The following BCL2L12 variants were observed in gnomAD, a reference collection of about 807,000 sequenced individuals.
BCL2L12 encodes the protein BCL2 like 12.
In BCL2L12, 27 loss-of-function variants were observed where a neutral mutation model predicts 25.7. The ratio of observed to expected loss-of-function variants is 1.05; its 90% CI spans 0.78 to 1.45. The LOEUF (loss-of-function observed/expected upper bound fraction) is 1.45. Among genes scored for constraint, BCL2L12 ranks in the 40% most tolerant of loss-of-function variants. BCL2L12 has a pLI of 0.00. For synonymous variants in BCL2L12, 132 were observed against 145.6 expected (o/e 0.91, Z 0.67); for missense variants, 302 against 329.8 (o/e 0.92, Z 0.65).
chr19:49,670,522 C>G, intron 6 of BCL2L12, 34 bp downstream of exon 6: 2 of 1,530,408 alleles, frequency 1.3e-6, no homozygotes, highest in Non-Finnish European at 1.8e-6. Flanking sequence ...CCGGGCCTCA[C>G]TTTACCTAAC....
chr19:49,668,136 C>G (rs1285852185), intron 3 of BCL2L12, among the ~76,000 whole-genome samples: 1 of 145,874 alleles, frequency 6.9e-6, no homozygotes, highest in African/African-American at 2.6e-5. Flanking sequence ...GCCCTTGTTG[C>G]CCAGGCTGGA....
At position 49,670,333 on chromosome 19, in the gene BCL2L12, C is replaced by CCGGGGAAGGA; in HGVS notation, c.548_549insGGGGAAGGAC (p.Pro185LysfsTer80). 1.2e-6 allele frequency: 2 copies of CCGGGGAAGGA among 1,602,300 alleles called. No homozygotes were observed. Among genetic ancestry groups the CCGGGGAAGGA allele is most frequent in the Non-Finnish European group, 8.5e-7 (1 of 1,175,742 alleles). ...CAGCTCTCGCCCAAGCCGAGCATGCCCCGGGCCCCCGCCTCCTTCCCCGGA... is the reference window on the plus strand; with the variant it reads ...CAGCTCTCGCCCAAGCCGAGCATGCCCGGGGAAGGACCGGGCCCCCGCCTCCTTCCCCGGA... On this transcript the variant is annotated frameshift_variant, in exon 6 of 7. Coordinates refer to ENST00000246784, the MANE Select transcript of BCL2L12 (RefSeq NM_138639.2). LOFTEE classifies it high-confidence loss of function.
At position 49,667,136 on chromosome 19, in the gene BCL2L12, C is replaced by T; in HGVS notation, c.225C>T (p.Ile75=). 6.2e-7 allele frequency: 1 copy of T among 1,614,014 alleles called. No homozygotes were observed. Among genetic ancestry groups the T allele is most frequent in the Non-Finnish European group, 8.5e-7 (1 of 1,179,980 alleles). ...CCCCTCGGCCTTGCTCTCTGCCCATCCGCCCCTGCTATGGTTTAGAGCCTG... is the reference window on the plus strand; with the variant it reads ...CCCCTCGGCCTTGCTCTCTGCCCATTCGCCCCTGCTATGGTTTAGAGCCTG... The part of the protein sequence containing the change: ...SESPRPCSLP[I]RPCYGLEPGP... Residue 75 remains isoleucine, a synonymous_variant, in exon 3 of 7, where the codon ATC becomes ATT. Coordinates refer to ENST00000246784, the MANE Select transcript of BCL2L12 (RefSeq NM_138639.2).
chr19:49,666,517 G>T, intron 1 of BCL2L12, among the ~76,000 whole-genome samples, 168 bp from the exon 2 acceptor site: 1 of 152,130 alleles, frequency 6.6e-6, no homozygotes, highest in Non-Finnish European at 1.5e-5. Flanking sequence ...TTTCCTGATC[G>T]CTTTTTCGTC....
upstream of BCL2L12, chr19:49,665,662 T>G (rs555722266): frequency 4.6e-5 from 44 of 959,760 alleles, no homozygotes; most frequent in Middle Eastern, 1.0e-3. Context: ...TGCGGGCAGC[T>G]GGAACCCACC....
intron 6 of BCL2L12, among the ~76,000 whole-genome samples, chr19:49,671,384 T>G (rs1326976014): frequency 6.6e-6 from 1 of 152,048 alleles, no homozygotes; most frequent in Non-Finnish European, 1.5e-5. Flanking sequence ...AGGCAGAGGT[T>G]GTAGTGAGCC....
Position 49,673,802 on chromosome 19 carries a change from T to C in BCL2L12, c.*54T>C. 6.2e-7 allele frequency: 1 copy of C among 1,601,598 alleles called. No individual in the cohort carries two copies. The highest frequency in any genetic ancestry group is 8.6e-7 in the Non-Finnish European group (1 of 1,169,134). ...ACACCTCATGTCCCTGCCCTCTTCG[T>C]GTGCTTTTCCAAGTCTTCCTATTCC... On this transcript the variant is annotated 3_prime_UTR_variant, in exon 7 of 7. Coordinates refer to ENST00000246784, the MANE Select transcript of BCL2L12 (RefSeq NM_138639.2).
At chr19:49,668,378 C>T in intron 3 of BCL2L12, among the ~76,000 whole-genome samples, 1 of 152,012 alleles carries the variant, frequency 6.6e-6, no homozygotes, top group East Asian at 1.9e-4. Context: ...GGATTACAGG[C>T]GTGAGCCACT....
upstream of BCL2L12, chr19:49,665,929 C>T (rs1185432030): frequency 6.2e-6 from 10 of 1,613,672 alleles, no homozygotes; most frequent in East Asian, 1.3e-4. Context: ...ACCCAGCGTT[C>T]CGCCCTTTCT....
At chr19:49,669,169 G>T in intron 5 of BCL2L12, 54 bp downstream of exon 5, 1 of 1,597,774 alleles carries the variant, frequency 6.3e-7, no homozygotes. Context: ...GGAATGGTGG[G>T]GCACTGGGAT....
chr19:49,671,024 C>T (rs943600830), intron 6 of BCL2L12, among the ~76,000 whole-genome samples: 16 of 151,550 alleles, frequency 1.1e-4, no homozygotes, highest in African/African-American at 3.2e-4. Context: ...TAGCCGGGCG[C>T]GGTGGCAGGT....
intron 6 of BCL2L12, 81 bp downstream of exon 6, chr19:49,670,569 T>C (rs1599921239): frequency 6.8e-7 from 1 of 1,478,050 alleles, no homozygotes; most frequent in South Asian, 1.3e-5. Flanking sequence ...ACTTCTTAGG[T>C]TCCTCTCAGA....
At chr19:49,670,602 A>T (rs1387375383) in intron 6 of BCL2L12, 114 bp downstream of exon 6, 2 of 1,385,350 alleles carry the variant, frequency 1.4e-6, no homozygotes, top group Admixed American at 5.4e-5. Context: ...TCCCAGCTCC[A>T]CTGCGTTCGT....
At chr19:49,670,568 G>T (rs2081941230) in intron 6 of BCL2L12, 80 bp downstream of exon 6, 1 of 1,489,676 alleles carries the variant, frequency 6.7e-7, no homozygotes, top group Non-Finnish European at 8.9e-7. Context: ...GACTTCTTAG[G>T]TTCCTCTCAG....
intron 2 of BCL2L12, 85 bp downstream of exon 2, chr19:49,666,884 T>C: frequency 1.3e-6 from 2 of 1,514,220 alleles, no homozygotes; most frequent in Non-Finnish European, 1.8e-6. Context: ...CTGTCTCCTC[T>C]CTTTATATCT....
intron 6 of BCL2L12, among the ~76,000 whole-genome samples, chr19:49,673,022 A>G (rs1299130791): frequency 6.6e-6 from 1 of 152,080 alleles, no homozygotes; most frequent in African/African-American, 2.4e-5. Flanking sequence ...GCACACCACC[A>G]TGTCCGGCTA....
At chr19:49,666,904 C>A (rs2081798813) in intron 2 of BCL2L12, 105 bp downstream of exon 2, 2 of 1,522,234 alleles carry the variant, frequency 1.3e-6, no homozygotes, top group African/African-American at 1.4e-5. Context: ...TGGCTCTATT[C>A]TCTGTCTTTG....
At chr19:49,666,948 A>G (rs2081802381) in intron 2 of BCL2L12, 71 bp from the exon 3 acceptor site, 1 of 1,568,248 alleles carries the variant, frequency 6.4e-7, no homozygotes, top group South Asian at 1.2e-5. Context: ...CGGGGGAGGG[A>G]GGGAGTTGGG....
At chr19:49,667,706 G>C (rs1008370944) in intron 3 of BCL2L12, among the ~76,000 whole-genome samples, 1 of 152,200 alleles carries the variant, frequency 6.6e-6, no homozygotes, top group Non-Finnish European at 1.5e-5. Flanking sequence ...TCTGTAGTGA[G>C]TGAGGGAAGG....
Sources: gnomAD v4.1 joint callset for allele counts (sites outside exome capture counted in the v4.1 genomes callset) on GRCh38, gnomAD v4.1.1 for gene constraint, MANE v1.5 for transcripts, NCBI Gene and HGNC (gene_info 2026-07-23, HGNC 2026-07-21) for gene names.